SLC25A3: variants seen among roughly 807,000 people sequenced by gnomAD.
The protein encoded by SLC25A3 is phosphate transport protein.
In SLC25A3, 14 loss-of-function variants were observed where a neutral mutation model predicts 37.1. The ratio of observed to expected loss-of-function variants is 0.38; its 90% CI spans 0.25 to 0.59. The LOEUF (loss-of-function observed/expected upper bound fraction) is 0.59, where lower values mean the gene tolerates loss of function less well. Ranked by LOEUF, SLC25A3 falls within the 20% of genes least tolerant of loss-of-function variation. SLC25A3 has a pLI of 0.67. For missense variants in SLC25A3, 385 were observed against 458.1 expected (o/e 0.84, Z 1.46); for synonymous variants, 161 against 168.7 (o/e 0.95, Z 0.36).
rs375759077 is a variant in SLC25A3 at position 98,597,162 on chromosome 12, T to C, written c.280-694T>C. The stretch of plus-strand genomic sequence containing the variant: ...TTAAGTTTGACACAGAAAGCTTTTG[T>C]TGAAATTTTACCCTCTTAACTATCA... On this transcript the variant is annotated intron_variant, in intron 3 of 7. Transcript: ENST00000552981. Among the ~76,000 whole-genome samples the C allele has an allele frequency of 6.6e-5, 10 of 152,302 alleles. No homozygotes were observed. The South Asian group carries it at 1.9e-3, about 28-fold the overall frequency.
At chr12:98,595,388 C>T in intron 2 of SLC25A3, 1 of 1,606,928 alleles carries the variant, frequency 6.2e-7, no homozygotes. Flanking sequence ...CCTTAGTCAT[C>T]TCTGAAGAAA....
At chr12:98,596,811 C>T (rs1371081864) in intron 3 of SLC25A3, among the ~76,000 whole-genome samples, 2 of 151,970 alleles carry the variant, frequency 1.3e-5, no homozygotes, top group Non-Finnish European at 2.9e-5. Flanking sequence ...GTCAGGAGTT[C>T]GAGATCAGAA....
Position 98,601,740 on chromosome 12 carries a change from A to T in SLC25A3, c.*212A>T, listed in dbSNP as rs554540136. On this transcript the variant is annotated 3_prime_UTR_variant, in exon 8 of 8. Transcript: ENST00000552981. The stretch of plus-strand genomic sequence containing the variant: ...TGTGACTTATTTTTAAAACTTTTTT[A>T]AAAAAGATTTAGCTTTAAAATAGTT... The T allele has an allele frequency of 1.1e-5, 6 of 562,108 alleles. No individual in the cohort carries two copies. The East Asian group carries it at 1.2e-4, about 11-fold the overall frequency. The allele number at this position is 562,108 out of a possible 1,614,324, so 34.8% of individuals were successfully genotyped here. A position where few individuals can be genotyped will look rare whatever the true frequency, so the allele number is the denominator to read the frequency against.
rs1226259717 is a variant in SLC25A3 at position 98,602,540 on chromosome 12, G to T, written c.*1012G>T. Reference sequence around the variant, plus strand: ...GTACTGCTTGACAGCTGAACTATATGAATGCCACTGGGGAAAAAGCATTCC... The same window carrying T: ...GTACTGCTTGACAGCTGAACTATATTAATGCCACTGGGGAAAAAGCATTCC... On this transcript the variant is annotated 3_prime_UTR_variant, in exon 8 of 8. Transcript: ENST00000552981. 1 of 152,130 alleles carries T rather than the reference G, an allele frequency of 6.6e-6. No homozygotes were observed. Among genetic ancestry groups the T allele is most frequent in the Non-Finnish European group, 1.5e-5 (1 of 68,018 alleles). 9.4% of individuals were successfully genotyped at this position (152,130 alleles called of 1,614,324 possible). A position where few individuals can be genotyped will look rare whatever the true frequency, so the allele number is the denominator to read the frequency against.
chr12:98,595,935 A>G (rs2097592631), intron 3 of SLC25A3, 87 bp downstream of exon 3: 2 of 1,178,574 alleles, frequency 1.7e-6, no homozygotes, highest in Non-Finnish European at 2.5e-6. Context: ...AAGACATCAC[A>G]ACTGCTAGAA....
chr12:98,596,686 A>T (rs1452687018), intron 3 of SLC25A3, among the ~76,000 whole-genome samples: 1 of 152,182 alleles, frequency 6.6e-6, no homozygotes, highest in Non-Finnish European at 1.5e-5. Context: ...TTAGGAATAC[A>T]GTTATATCTA....
At chr12:98,595,940 C>G in intron 3 of SLC25A3, 92 bp downstream of exon 3, 1 of 1,168,298 alleles carries the variant, frequency 8.6e-7, no homozygotes, top group Non-Finnish European at 1.3e-6. Flanking sequence ...ATCACAACTG[C>G]TAGAAACTTC....
At chr12:98,597,006 A>T (rs1166988341) in intron 3 of SLC25A3, among the ~76,000 whole-genome samples, 1 of 152,196 alleles carries the variant, frequency 6.6e-6, no homozygotes, top group Non-Finnish European at 1.5e-5. Flanking sequence ...GCTACAGAGC[A>T]AGACTCAAAA....
intron 3 of SLC25A3, among the ~76,000 whole-genome samples, chr12:98,596,562 T>C (rs942852938): frequency 2.6e-5 from 4 of 152,200 alleles, no homozygotes; most frequent in Non-Finnish European, 5.9e-5. Context: ...AAACGTGTTA[T>C]GCATGTCTCT....
chr12:98,599,471 A>G (rs1369080655), intron 5 of SLC25A3, among the ~76,000 whole-genome samples: 4 of 151,598 alleles, frequency 2.6e-5, no homozygotes, highest in Non-Finnish European at 5.9e-5. Flanking sequence ...AAGTTAATAC[A>G]TGGTTTGAGC....
chr12:98,598,618 A>G lies in SLC25A3; in HGVS notation c.556A>G (p.Lys186Glu), dbSNP rs1309429225. The change falls in exon 5 of 8, where the codon AAG (lysine) becomes GAG (glutamate). Residue 186 changes from lysine (K) to glutamate (E), a missense_variant. Lys to Glu is a moderately conservative substitution (Grantham distance 56). Transcript: ENST00000552981. ...DIALAPMEAAKVRIQTQPGYA... is the reference protein window; with the variant it reads ...DIALAPMEAAEVRIQTQPGYA... ...TGCCCTGGCTCCTATGGAAGCTGCTAAGGTTCGAATTCAAACCCAGCCAGG... is the reference window on the plus strand; with the variant it reads ...TGCCCTGGCTCCTATGGAAGCTGCTGAGGTTCGAATTCAAACCCAGCCAGG... 1.2e-6 allele frequency: 2 copies of G among 1,614,148 alleles called. No homozygotes were observed. Among genetic ancestry groups the G allele is most frequent in the Middle Eastern group, 3.3e-4 (2 of 6,042 alleles).
chr12:98,600,394 C>T (rs1297828616), intron 6 of SLC25A3, among the ~76,000 whole-genome samples: 1 of 151,580 alleles, frequency 6.6e-6, no homozygotes, highest in Admixed American at 6.6e-5. Flanking sequence ...ACCGCCATGC[C>T]CGGCTGATTT....
At position 98,595,522 on chromosome 12, in the gene SLC25A3, T is replaced by C; in HGVS notation, c.158-205T>C. On this transcript the variant is annotated intron_variant, in intron 2 of 7. Transcript: ENST00000552981. ...TAGCTGTGGCACAACACATACAGCA[T>C]TGGTTCCTCTAGATCTGGTTAAATG... 6.2e-7 allele frequency: 1 copy of C among 1,614,222 alleles called. No homozygotes were observed. Among genetic ancestry groups the C allele is most frequent in the East Asian group, 2.2e-5 (1 of 44,886 alleles).
In SLC25A3 at chr12:98,598,051, T is replaced by C; in HGVS notation, c.459+16T>C. ...GCTTGGAGAGGTATGTAATTAACTTTAAAATTGAATGTTCCGAGTGTTTAA... is the reference window on the plus strand; with the variant it reads ...GCTTGGAGAGGTATGTAATTAACTTCAAAATTGAATGTTCCGAGTGTTTAA... On this transcript the variant is annotated intron_variant, in intron 4 of 7. Transcript: ENST00000552981. 6.2e-7 allele frequency: 1 copy of C among 1,610,846 alleles called. No homozygotes were observed. The highest frequency in any genetic ancestry group is 8.5e-7 in the Non-Finnish European group (1 of 1,177,362).
chr12:98,595,840 C>T lies in SLC25A3; in HGVS notation c.271C>T (p.Arg91Cys), dbSNP rs1383935123. 4.3e-6 allele frequency: 7 copies of T among 1,613,508 alleles called. No individual in the cohort carries two copies. The highest frequency in any genetic ancestry group is 1.3e-5 in the African/African-American group (1 of 75,002). ...GGTTCCCCTGGATTTAGTGAAATGC[C>T]GTATGCAGGTTTGTATTGAGATGAC... ...AVVPLDLVKC[R>C]MQVDPQKYKG... Residue 91 changes from arginine (R) to cysteine (C), a missense_variant, in exon 3 of 8, where the codon CGT becomes TGT. Coordinates refer to ENST00000552981, the MANE Select transcript of SLC25A3 (RefSeq NM_002635.4).
At chr12:98,599,613 A>G (rs1204531173) in intron 5 of SLC25A3, 2 of 533,218 alleles carry the variant, frequency 3.8e-6, no homozygotes, top group East Asian at 5.1e-5. Context: ...ATCTATTCAC[A>G]GTTAAGAATT....
At chr12:98,601,334 C>T in intron 7 of SLC25A3, 34 bp from the exon 8 acceptor site, 2 of 1,614,002 alleles carry the variant, frequency 1.2e-6, no homozygotes, top group Non-Finnish European at 1.7e-6. Context: ...GGATATGTTG[C>T]ATTTTTTTCA....
At chr12:98,598,125 A>G in intron 4 of SLC25A3, 90 bp downstream of exon 4, 3 of 1,321,412 alleles carry the variant, frequency 2.3e-6, no homozygotes, top group Non-Finnish European at 3.2e-6. Flanking sequence ...TTATTTTAGC[A>G]CTGAAGAAAA....
rs1364774796 is a variant in SLC25A3 at position 98,604,761 on chromosome 12, G to T, written c.*3233G>T. 2.6e-5 allele frequency: 4 copies of T among 152,044 alleles called. No individual in the cohort carries two copies. The highest frequency in any genetic ancestry group is 2.6e-4 in the Admixed American group (4 of 15,256). 9.4% of individuals were successfully genotyped at this position (152,044 alleles called of 1,614,324 possible). A position where few individuals can be genotyped will look rare whatever the true frequency, so the allele number is the denominator to read the frequency against. On this transcript the variant is annotated 3_prime_UTR_variant, in exon 8 of 8. Transcript: ENST00000552981. ...TACAGGTAGCCGCCTTGTCTGTCCC[G>T]TTTCGACCATATTTTATTTTTGAGA...
Sources: gnomAD v4.1 joint callset for allele counts (sites outside exome capture counted in the v4.1 genomes callset) on GRCh38, gnomAD v4.1.1 for gene constraint, MANE v1.5 for transcripts, NCBI Gene and HGNC (gene_info 2026-07-23, HGNC 2026-07-21) for gene names.